RBPJ: variants seen among roughly 807,000 people sequenced by gnomAD.
The protein encoded by RBPJ is recombining binding protein suppressor of hairless.
A neutral mutation model predicts 67.8 loss-of-function variants in RBPJ; 9 were observed. The ratio of observed to expected loss-of-function variants is 0.13; its 90% confidence interval spans 0.08 to 0.23. RBPJ has a LOEUF of 0.23. Ranked by LOEUF, RBPJ falls within the 10% of genes least tolerant of loss-of-function variation. The pLI is 1.00. For synonymous variants in RBPJ, 198 were observed against 203.3 expected (o/e 0.97, Z 0.22); for missense variants, 305 against 595.6 (o/e 0.51, Z 5.08).
At chr4:26,210,745 T>C (rs1455893606) in intron 1 of RBPJ, among the ~76,000 whole-genome samples, 1 of 99,554 alleles carries the variant, frequency 1.0e-5, no homozygotes, top group African/African-American at 3.7e-5. Context: ...ACTTCTTTCC[T>C]TCTTTCCTTC....
intron 1 of RBPJ, among the ~76,000 whole-genome samples, chr4:26,275,383 G>C (rs1721044618): frequency 6.6e-6 from 1 of 152,188 alleles, no homozygotes; most frequent in South Asian, 2.1e-4. Flanking sequence ...TTCCTAGGAA[G>C]ATAATGAAAA....
chr4:26,350,794 G>A (rs868740890), intron 1 of RBPJ, among the ~76,000 whole-genome samples: 1 of 152,190 alleles, frequency 6.6e-6, no homozygotes, highest in African/African-American at 2.4e-5. Context: ...GGTAATTACA[G>A]GGTTGCCATC....
chr4:26,360,479 A>G (rs780827756), intron 1 of RBPJ, among the ~76,000 whole-genome samples: 5 of 152,104 alleles, frequency 3.3e-5, no homozygotes, highest in Non-Finnish European at 5.9e-5. Context: ...TAAAGTGATG[A>G]TAGGTTTACA....
At chr4:26,112,082 A>C in the RBPJ span, 1 of 153,268 alleles carries the variant, frequency 6.5e-6, no homozygotes, top group East Asian at 1.9e-4. Context: ...AAGGATTTCC[A>C]AGCCAGTACC....
At chr4:26,428,660 A>T in intron 7 of RBPJ, 60 bp from the exon 8 acceptor site, 1 of 1,356,478 alleles carries the variant, frequency 7.4e-7, no homozygotes, top group Non-Finnish European at 1.0e-6. Flanking sequence ...TTGATGTTTT[A>T]CACAAGGAAA....
intron 2 of RBPJ, among the ~76,000 whole-genome samples, chr4:26,405,866 A>G (rs1356832067): frequency 1.3e-5 from 2 of 152,158 alleles, no homozygotes; most frequent in African/African-American, 4.8e-5. Flanking sequence ...AGCAGTGTAT[A>G]TGTTGATTCT....
intron 1 of RBPJ, among the ~76,000 whole-genome samples, chr4:26,201,030 A>G (rs1408335081): frequency 1.3e-5 from 2 of 152,210 alleles, no homozygotes; most frequent in African/African-American, 4.8e-5. Context: ...TGAATGAATG[A>G]GTATCCATTC....
intron 1 of RBPJ, among the ~76,000 whole-genome samples, chr4:26,363,769 T>C (rs1728325692): frequency 1.3e-5 from 2 of 152,196 alleles, no homozygotes; most frequent in Admixed American, 1.3e-4. Context: ...ATTAATATTG[T>C]GATTATTGTT....
intron 1 of RBPJ, among the ~76,000 whole-genome samples, chr4:26,297,228 C>A (rs984450277): frequency 6.6e-6 from 1 of 152,046 alleles, no homozygotes; most frequent in Non-Finnish European, 1.5e-5. Context: ...CCTGGGAGGT[C>A]AAGGCTGCAG....
At chr4:26,400,310 C>T (rs547510359) in intron 2 of RBPJ, among the ~76,000 whole-genome samples, 2 of 152,276 alleles carry the variant, frequency 1.3e-5, no homozygotes, top group East Asian at 3.9e-4. Context: ...TGTCATAATT[C>T]AAGGAAGGGT....
intron 1 of RBPJ, among the ~76,000 whole-genome samples, chr4:26,211,963 G>A (rs182978278): frequency 6.4e-4 from 97 of 152,246 alleles, no homozygotes; most frequent in Non-Finnish European, 1.0e-3. Flanking sequence ...TGGGGGTGAT[G>A]CGCCAGATGC....
intron 1 of RBPJ, among the ~76,000 whole-genome samples, chr4:26,306,516 C>T (rs983713212): frequency 6.6e-6 from 1 of 151,834 alleles, no homozygotes; most frequent in Non-Finnish European, 1.5e-5. Flanking sequence ...ATGGCGCGAT[C>T]TCCGCTCACT....
chr4:26,244,347 G>GTATATATA (rs1719819083), intron 1 of RBPJ, among the ~76,000 whole-genome samples: 1 of 150,948 alleles, frequency 6.6e-6, no homozygotes, highest in African/African-American at 2.4e-5. Flanking sequence ...ACACATATGT[G>GTATATATA]TGTATATATA....
At chr4:26,210,700 T>TTTCTTTTTTTCTTTCTTTCTTTCC (rs1718364979) in intron 1 of RBPJ, among the ~76,000 whole-genome samples, 1 of 59,850 alleles carries the variant, frequency 1.7e-5, no homozygotes. Flanking sequence ...TCTTTCTTTC[T>TTTCTTTTTTTCTTTCTTTCTTTCC]TTCTTTCCTT....
At chr4:26,250,033 G>T (rs528438038) in intron 1 of RBPJ, among the ~76,000 whole-genome samples, 1 of 151,596 alleles carries the variant, frequency 6.6e-6, no homozygotes, top group Admixed American at 6.6e-5. Context: ...TGGTCCCCCC[G>T]CCACGGCCTC....
intron 1 of RBPJ, among the ~76,000 whole-genome samples, chr4:26,174,033 A>G (rs1393480627): frequency 6.6e-6 from 1 of 152,250 alleles, no homozygotes; most frequent in Non-Finnish European, 1.5e-5. Context: ...GCAATGCGTT[A>G]GAAGTTACAG....
At chr4:26,398,859 G>T (rs982857257) in intron 2 of RBPJ, among the ~76,000 whole-genome samples, 4 of 152,118 alleles carry the variant, frequency 2.6e-5, no homozygotes, top group African/African-American at 9.7e-5. Flanking sequence ...TGATCTGCCT[G>T]CCTCAGCCTC....
At chr4:26,155,791 G>A in the RBPJ span, among the ~76,000 whole-genome samples, 7 of 152,190 alleles carry the variant, frequency 4.6e-5, no homozygotes, top group African/African-American at 1.7e-4. Context: ...AAGGTTGAAG[G>A]TCAGAGAGAG....
chr4:26,368,729 G>A (rs959302641), intron 1 of RBPJ, among the ~76,000 whole-genome samples: 1 of 152,172 alleles, frequency 6.6e-6, no homozygotes, highest in Non-Finnish European at 1.5e-5. Flanking sequence ...CAGCTAAGCA[G>A]CTAGATTAAT....
Sources: gnomAD v4.1 joint callset for allele counts (sites outside exome capture counted in the v4.1 genomes callset) on GRCh38, gnomAD v4.1.1 for gene constraint, MANE v1.5 for transcripts, NCBI Gene and HGNC (gene_info 2026-07-23, HGNC 2026-07-21) for gene names.